MRM1: variants seen among roughly 807,000 people sequenced by gnomAD.
MRM1 encodes the protein mitochondrial rRNA methyltransferase 1.
A neutral mutation model predicts 25.0 loss-of-function variants in MRM1; 24 were observed. The observed-to-expected ratio is 0.96, with a 90% confidence interval of 0.69 to 1.35. MRM1 has a LOEUF of 1.35. Among genes scored for constraint, MRM1 ranks in the 40% most tolerant of loss-of-function variants. The probability of loss-of-function intolerance (pLI) is 0.00; values close to 1 mark genes in which losing one functional copy is unlikely to be tolerated. For synonymous variants in MRM1, 188 were observed against 199.2 expected (o/e 0.94, Z 0.47); for missense variants, 431 against 464.1 (o/e 0.93, Z 0.65).
intron 2 of MRM1, among the ~76,000 whole-genome samples, chr17:36,605,153 A>AGAG (rs1555611916): frequency 6.7e-4 from 98 of 145,204 alleles, no homozygotes; most frequent in African/African-American, 2.5e-3. Context: ...AAAAAAAAAA[A>AGAG]AGAGAGAGAG....
chr17:36,605,813 C>T (rs1324365679), intron 2 of MRM1, among the ~76,000 whole-genome samples: 1 of 152,094 alleles, frequency 6.6e-6, no homozygotes, highest in Non-Finnish European at 1.5e-5. Flanking sequence ...GTTTCCACTG[C>T]TACCACTCTG....
At chr17:36,608,124 A>C in intron 4 of MRM1, 106 bp downstream of exon 4, 1 of 1,531,142 alleles carries the variant, frequency 6.5e-7, no homozygotes. Context: ...CAGTTGCTTT[A>C]TGTACAAAAT....
chr17:36,610,320 C>T (rs1567850253), downstream of MRM1, among the ~76,000 whole-genome samples: 3 of 151,612 alleles, frequency 2.0e-5, no homozygotes, highest in Non-Finnish European at 2.9e-5. Context: ...GAAAGCTCTG[C>T]CTTCCGAGTT....
chr17:36,616,498 T>A, the MRM1 span, among the ~76,000 whole-genome samples: 1 of 152,172 alleles, frequency 6.6e-6, no homozygotes, highest in South Asian at 2.1e-4. Flanking sequence ...TAGATACAGG[T>A]ATTAGCCTGG....
the MRM1 span, among the ~76,000 whole-genome samples, chr17:36,628,968 G>C: frequency 6.6e-6 from 1 of 152,100 alleles, no homozygotes; most frequent in African/African-American, 2.4e-5. Context: ...GAGAGAGAGA[G>C]AGACCCATGA....
the MRM1 span, chr17:36,634,215 A>G: frequency 6.6e-6 from 1 of 152,218 alleles, no homozygotes; most frequent in East Asian, 1.9e-4. Context: ...AAAAGGAGCG[A>G]AAGAACTTGT....
At chr17:36,625,462 C>CT in the MRM1 span, among the ~76,000 whole-genome samples, 52,891 of 100,360 alleles carry the variant, frequency 0.53, 15,869 homozygotes, top group Middle Eastern at 0.71. Flanking sequence ...CCTCCTCCTC[C>CT]TTTTTTTTTT....
the MRM1 span, among the ~76,000 whole-genome samples, chr17:36,625,531 G>A: frequency 5.5e-5 from 7 of 127,256 alleles, no homozygotes; most frequent in South Asian, 2.8e-4. Context: ...ACAAGATCTC[G>A]GCTCACTGCA....
the MRM1 span, among the ~76,000 whole-genome samples, chr17:36,624,321 C>T: frequency 6.6e-6 from 1 of 152,204 alleles, no homozygotes; most frequent in African/African-American, 2.4e-5. The surrounding 1 kb of genome is among the most constrained non-coding windows in gnomAD (Gnocchi z 4.0). Flanking sequence ...CAGAAGTCCT[C>T]CTGACTGTCA....
Position 36,608,491 on chromosome 17 carries a change from G to T in MRM1, c.*76G>T. On this transcript the variant is annotated 3_prime_UTR_variant, in exon 5 of 5. Coordinates refer to ENST00000614766, the MANE Select transcript of MRM1 (RefSeq NM_024864.5). ...GCCTCCGCCGGCTCCAGTGTGCGGG[G>T]AGCCTCTGCCTGAGTGTGCACCAGG... 8.9e-7 allele frequency: 1 copy of T among 1,118,578 alleles called. No individual in the cohort carries two copies. The highest frequency in any genetic ancestry group is 2.1e-5 in the South Asian group (1 of 46,586). The allele number at this position is 1,118,578 out of a possible 1,614,324, so 69.3% of individuals were successfully genotyped here. A position where few individuals can be genotyped will look rare whatever the true frequency, so the allele number is the denominator to read the frequency against.
the MRM1 span, among the ~76,000 whole-genome samples, chr17:36,625,958 C>G: frequency 2.6e-5 from 4 of 151,260 alleles, no homozygotes; most frequent in Non-Finnish European, 5.9e-5. Flanking sequence ...TAAAGCCTCC[C>G]CTGATGCTCC....
At chr17:36,622,407 A>G in the MRM1 span, among the ~76,000 whole-genome samples, 2 of 151,990 alleles carry the variant, frequency 1.3e-5, no homozygotes, top group East Asian at 3.9e-4. Flanking sequence ...CCCCATCTCT[A>G]CTAAAAATAC....
Position 36,608,458 on chromosome 17 carries a change from C to A in MRM1, c.*43C>A. Reference sequence around the variant, plus strand: ...GTTCATGTGCTGGAGTCAGGGACGGCCGCACCTGCCTCCGCCGGCTCCAGT... The same window carrying A: ...GTTCATGTGCTGGAGTCAGGGACGGACGCACCTGCCTCCGCCGGCTCCAGT... On this transcript the variant is annotated 3_prime_UTR_variant, in exon 5 of 5. Coordinates refer to ENST00000614766, the MANE Select transcript of MRM1 (RefSeq NM_024864.5). 1 of 1,404,462 alleles carries A rather than the reference C, an allele frequency of 7.1e-7. No individual in the cohort carries two copies. Among genetic ancestry groups the A allele is most frequent in the Non-Finnish European group, 9.4e-7 (1 of 1,066,850 alleles). The allele number at this position is 1,404,462 out of a possible 1,614,324, so 87.0% of individuals were successfully genotyped here.
At chr17:36,618,841 A>C in the MRM1 span, among the ~76,000 whole-genome samples, 6 of 152,212 alleles carry the variant, frequency 3.9e-5, no homozygotes, top group Admixed American at 3.3e-4. Flanking sequence ...TGAGGCTTAG[A>C]GACATTTGAC....
chr17:36,629,055 C>T, the MRM1 span, among the ~76,000 whole-genome samples: 1 of 152,084 alleles, frequency 6.6e-6, no homozygotes, highest in Non-Finnish European at 1.5e-5. Context: ...ATGCCTTAGC[C>T]CCTGTTCTTT....
the MRM1 span, among the ~76,000 whole-genome samples, chr17:36,628,597 C>G: frequency 6.6e-6 from 1 of 152,028 alleles, no homozygotes; most frequent in Admixed American, 6.6e-5. Context: ...ATGATGGAGA[C>G]CCTGTGCCAG....
chr17:36,615,145 T>G, the MRM1 span, among the ~76,000 whole-genome samples: 2 of 152,214 alleles, frequency 1.3e-5, no homozygotes, highest in African/African-American at 4.8e-5. Flanking sequence ...CCTTCGCCCC[T>G]GCCATGTGCC....
downstream of MRM1, among the ~76,000 whole-genome samples, chr17:36,611,717 C>T (rs181992989): frequency 2.3e-4 from 35 of 152,294 alleles, no homozygotes; most frequent in African/African-American, 7.9e-4. Context: ...GTCAGAGAAT[C>T]CTTCCTACCT....
downstream of MRM1, among the ~76,000 whole-genome samples, chr17:36,609,714 C>G (rs1455999795): frequency 2.0e-5 from 3 of 152,196 alleles, no homozygotes; most frequent in Admixed American, 6.5e-5. Context: ...TCCTTACCCA[C>G]CTGGGCCTCG....
Sources: allele counts gnomAD v4.1 joint callset (sites outside exome capture counted in the v4.1 genomes callset), GRCh38; gene constraint gnomAD v4.1.1; non-coding constraint Gnocchi (gnomAD v3.1); transcripts MANE v1.5; gene names NCBI Gene and HGNC (gene_info 2026-07-23, HGNC 2026-07-21).